Variants in NPAS2 observed in about 807,000 individuals in gnomAD.
NPAS2 encodes neuronal PAS domain-containing protein 2.
Under a neutral mutation model 107.5 loss-of-function variants are expected in NPAS2, and 23 were observed. The observed-to-expected ratio is 0.21, with a 90% CI of 0.15 to 0.30. The LOEUF is 0.30. NPAS2 is among the 10% of genes least tolerant of loss of function. The pLI, the probability that NPAS2 is intolerant of heterozygous loss-of-function variation, is 1.00. For synonymous variants in NPAS2, 403 were observed against 417.5 expected (o/e 0.97, Z 0.42); for missense variants, 756 against 1,043.3 (o/e 0.72, Z 3.79).
intron 7 of NPAS2, among the ~76,000 whole-genome samples, chr2:100,959,481 C>T (rs116022916): frequency 6.5e-4 from 99 of 152,272 alleles, no homozygotes; most frequent in Non-Finnish European, 1.2e-3. Context: ...CCTGGCTATT[C>T]AGAACACATT....
At chr2:100,854,288 C>T (rs777902711) in intron 1 of NPAS2, among the ~76,000 whole-genome samples, 7 of 151,894 alleles carry the variant, frequency 4.6e-5, no homozygotes, top group Admixed American at 2.6e-4. Context: ...GGCCATGGGC[C>T]GGAGTTGTGG....
chr2:100,926,942 T>G (rs1218435405), intron 3 of NPAS2, among the ~76,000 whole-genome samples: 2 of 83,206 alleles, frequency 2.4e-5, no homozygotes, highest in African/African-American at 9.8e-5. Context: ...TTTTTCTTTC[T>G]TTTTTTTTTT....
chr2:100,971,223 C>T (rs1352267882), intron 12 of NPAS2, 149 bp downstream of exon 12: 12 of 623,280 alleles, frequency 1.9e-5, no homozygotes, highest in Admixed American at 2.8e-5. Flanking sequence ...CCCTTGAGGC[C>T]GTCACATTGA....
chr2:100,902,028 A>C (rs1231152421), intron 1 of NPAS2, among the ~76,000 whole-genome samples: 2 of 152,028 alleles, frequency 1.3e-5, no homozygotes, highest in African/African-American at 4.8e-5. Flanking sequence ...CTCTGCTTTC[A>C]TTTAAGCTCC....
intron 2 of NPAS2, among the ~76,000 whole-genome samples, chr2:100,923,639 C>A (rs1683379317): frequency 6.6e-6 from 1 of 152,158 alleles, no homozygotes; most frequent in Non-Finnish European, 1.5e-5. Flanking sequence ...AGAACCATGA[C>A]CCCGGGCCCA....
At chr2:100,959,991 T>C (rs1267276420) in intron 7 of NPAS2, among the ~76,000 whole-genome samples, 2 of 152,210 alleles carry the variant, frequency 1.3e-5, no homozygotes, top group Non-Finnish European at 2.9e-5. Flanking sequence ...AAAAAAGTTC[T>C]CTACCACCTG....
rs566126853 is a variant in NPAS2, at chr2:100,856,325, T to G, written c.-23+35911T>G. Among the ~76,000 whole-genome samples, 24 of 152,304 alleles carry G rather than the reference T, an allele frequency of 1.6e-4. 1 individual carries two copies. The South Asian group carries it at 5.0e-3, about 32-fold the overall frequency. On this transcript the variant is annotated intron_variant, in intron 1 of 20. Coordinates refer to ENST00000335681, the MANE Select transcript of NPAS2 (RefSeq NM_002518.4). ...TGTGGTTAATTCTGGTTGAGAACTG[T>G]TTCGTTACATGACTATCCACATTCC... is the stretch of plus-strand genomic sequence containing the variant.
intron 1 of NPAS2, among the ~76,000 whole-genome samples, chr2:100,870,939 A>C (rs967972095): frequency 5.3e-5 from 8 of 152,130 alleles, no homozygotes; most frequent in African/African-American, 1.9e-4. Context: ...TGGACTTTGG[A>C]CCAGTCAAGT....
At position 100,988,191 on chromosome 2, in the gene NPAS2, C is replaced by G. The variant is rs751476774; in HGVS notation, c.1742C>G (p.Ala581Gly). The stretch of plus-strand genomic sequence containing the variant: ...GCAGTGACTCAGCCCCAGCTCGGGG[C>G]GGGCCCCCAACTTCCAGGGCAGATC... ...SAAVTQPQLG[A>G]GPQLPGQISS... Residue 581 changes from alanine to glycine, a missense_variant, in exon 17 of 21, where the codon GCG becomes GGG. Physicochemically the swap from Ala to Gly is moderately conservative, Grantham distance 60 (BLOSUM62 0). Coordinates refer to ENST00000335681, the MANE Select transcript of NPAS2 (RefSeq NM_002518.4). The G allele has an allele frequency of 6.2e-7, 1 of 1,614,162 alleles. No individual in the cohort carries two copies. The highest frequency in any genetic ancestry group is 1.7e-5 in the Admixed American group (1 of 60,034).
At chr2:100,882,929 T>C (rs1001475936) in intron 1 of NPAS2, among the ~76,000 whole-genome samples, 4 of 152,202 alleles carry the variant, frequency 2.6e-5, no homozygotes, top group African/African-American at 9.7e-5. Context: ...TTTACCTGTG[T>C]TTCTTTTTAG....
chr2:100,964,469 G>A (rs1442438576), intron 8 of NPAS2, among the ~76,000 whole-genome samples: 1 of 152,212 alleles, frequency 6.6e-6, no homozygotes, highest in Non-Finnish European at 1.5e-5. Context: ...TGCAGGCCAG[G>A]CCTGGGTGAG....
chr2:100,975,022 C>A, intron 13 of NPAS2, 78 bp downstream of exon 13: 1 of 1,516,672 alleles, frequency 6.6e-7, no homozygotes, highest in Non-Finnish European at 9.0e-7. Context: ...GTCCCGGGCC[C>A]AAGTGGAATC....
intron 14 of NPAS2, 106 bp from the exon 15 acceptor site, chr2:100,977,604 G>C: frequency 1.1e-6 from 1 of 908,792 alleles, no homozygotes; most frequent in Non-Finnish European, 1.8e-6. Flanking sequence ...ACTTGGAGCT[G>C]TTCACCCCAG....
intron 1 of NPAS2, among the ~76,000 whole-genome samples, chr2:100,853,942 G>A (rs1274012244): frequency 2.0e-5 from 3 of 149,296 alleles, no homozygotes; most frequent in African/African-American, 7.4e-5. Flanking sequence ...CACTTTGGGA[G>A]GCCGAGGCAG....
chr2:100,955,059 G>A (rs1036462463), intron 7 of NPAS2, among the ~76,000 whole-genome samples: 5 of 152,030 alleles, frequency 3.3e-5, no homozygotes, highest in African/African-American at 1.2e-4. Flanking sequence ...TGTATTTTTA[G>A]TAGAGATGGG....
At chr2:100,983,919 T>C (rs1323624960) in intron 16 of NPAS2, 1 of 152,230 alleles carries the variant, frequency 6.6e-6, no homozygotes, top group Non-Finnish European at 1.5e-5. Flanking sequence ...ACTGCTAAAA[T>C]TGAGGTAGGC....
intron 2 of NPAS2, among the ~76,000 whole-genome samples, chr2:100,913,759 A>G (rs1270417383): frequency 1.3e-5 from 2 of 152,194 alleles, no homozygotes; most frequent in Non-Finnish European, 2.9e-5. Context: ...GGTGATGTAT[A>G]AAATGTACCT....
chr2:100,819,280 G>C (rs1345354888), upstream of NPAS2, among the ~76,000 whole-genome samples: 1 of 152,098 alleles, frequency 6.6e-6, no homozygotes, highest in Admixed American at 6.5e-5. This position sits in a 1 kb window ranked among gnomAD's most constrained non-coding sequence, Gnocchi z 5.8. Context: ...CCAAGTGCCC[G>C]CTCCTGGCCG....
At chr2:100,864,874 T>G (rs1679161462) in intron 1 of NPAS2, among the ~76,000 whole-genome samples, 1 of 152,222 alleles carries the variant, frequency 6.6e-6, no homozygotes, top group Non-Finnish European at 1.5e-5. Context: ...TTTAAAAATG[T>G]TTATTAATTC....
Sources: allele counts gnomAD v4.1 joint callset (sites outside exome capture counted in the v4.1 genomes callset), GRCh38; gene constraint gnomAD v4.1.1; non-coding constraint Gnocchi (gnomAD v3.1); transcripts MANE v1.5; gene names NCBI Gene and HGNC (gene_info 2026-07-23, HGNC 2026-07-21).